Variants in KCNK9 observed in about 807,000 individuals in gnomAD.
KCNK9 encodes potassium channel subfamily K member 9.
Under a neutral mutation model 10.8 loss-of-function variants are expected in KCNK9, and 1 was observed. That is an observed-to-expected ratio of 0.09 (90% CI 0.03 to 0.44). The LOEUF (loss-of-function observed/expected upper bound fraction) is 0.44. Ranked by LOEUF, KCNK9 falls within the 20% of genes least tolerant of loss-of-function variation. The pLI is 0.97. For synonymous variants in KCNK9, 231 were observed against 222.7 expected, an observed-to-expected ratio of 1.04 and a Z score of -0.33; for missense variants, 303 against 515.0, an observed-to-expected ratio of 0.59 and a Z score of 3.98.
At chr8:139,655,538 C>T (rs1330150776) in intron 1 of KCNK9, among the ~76,000 whole-genome samples, 1 of 152,122 alleles carries the variant, frequency 6.6e-6, no homozygotes, top group Non-Finnish European at 1.5e-5. Flanking sequence ...GCAGCACCAT[C>T]CCAGGAGGGA....
At chr8:139,669,345 A>C (rs893758171) in intron 1 of KCNK9, among the ~76,000 whole-genome samples, 1 of 152,234 alleles carries the variant, frequency 6.6e-6, no homozygotes, top group Non-Finnish European at 1.5e-5. Context: ...GCTGTTTGAT[A>C]GCAATTTCCA....
chr8:139,663,648 CGTGTGTGT>C lies in KCNK9; in HGVS notation c.283+39054_283+39061del, dbSNP rs34660685. 7.3e-5 allele frequency among the ~76,000 whole-genome samples: 10 copies of C among 137,506 alleles called. No individual in the cohort carries two copies. The East Asian group carries it at 8.7e-4, about 12-fold the overall frequency. The allele number at this position is 137,506 out of a possible 152,430, so 90.2% of individuals were successfully genotyped here. On this transcript the variant is annotated intron_variant, in intron 1 of 1. Transcript: ENST00000520439. ...CCCCAGGAACAGACGCGCGTGCGCA[CGTGTGTGT>C]GTGTGTGTGTGTGTGTGTGTGTGTG...
At chr8:139,689,936 C>T (rs115456447) in intron 1 of KCNK9, among the ~76,000 whole-genome samples, 2,259 of 152,264 alleles carry the variant, frequency 0.015, 58 homozygotes, top group African/African-American at 0.05. Flanking sequence ...CCACCACGCC[C>T]GGCCACCTTT....
intron 1 of KCNK9, among the ~76,000 whole-genome samples, chr8:139,687,413 T>TAC (rs1346928744): frequency 7.1e-6 from 1 of 140,996 alleles, no homozygotes; most frequent in African/African-American, 2.7e-5. Flanking sequence ...TATATATTCA[T>TAC]ATATGTGTAT....
rs536316875 is a variant in KCNK9, at chr8:139,634,578, G to A, written c.284-15479C>T. On this transcript the variant is annotated intron_variant, in intron 1 of 1. Transcript: ENST00000520439. ...TGGATTCTCCATGAGGGCAGGGCCA[G>A]CTCTGCCCTGCTGGGATGGACTGTC... Among the ~76,000 whole-genome samples the A allele has an allele frequency of 2.0e-5, 3 of 152,308 alleles. No individual in the cohort carries two copies. In the East Asian group the frequency reaches 5.8e-4, roughly 30 times the overall value.
At chr8:139,669,959 C>T (rs1173720336) in intron 1 of KCNK9, among the ~76,000 whole-genome samples, 1 of 152,182 alleles carries the variant, frequency 6.6e-6, no homozygotes, top group Non-Finnish European at 1.5e-5. Flanking sequence ...TGTACATCTC[C>T]ATCAGTGCTC....
At chr8:139,649,648 G>A (rs1815797366) in intron 1 of KCNK9, among the ~76,000 whole-genome samples, 1 of 152,106 alleles carries the variant, frequency 6.6e-6, no homozygotes, top group Admixed American at 6.5e-5. Flanking sequence ...GCCTTCAATG[G>A]CTCCCCAGTA....
chr8:139,697,085 G>A (rs1817078275), intron 1 of KCNK9, among the ~76,000 whole-genome samples: 1 of 151,970 alleles, frequency 6.6e-6, no homozygotes, highest in Non-Finnish European at 1.5e-5. Flanking sequence ...GTGGACGGGT[G>A]GGTGAACAGA....
At chr8:139,601,569 TC>T (rs1563706629) in exon 3 of KCNK9, 2 of 152,186 alleles carry the variant, frequency 1.3e-5, no homozygotes, top group Non-Finnish European at 2.9e-5. Flanking sequence ...GAGAGAGCTG[TC>T]CCCGTCCTCT....
At chr8:139,654,563 G>C (rs1815965523) in intron 1 of KCNK9, among the ~76,000 whole-genome samples, 1 of 152,246 alleles carries the variant, frequency 6.6e-6, no homozygotes, top group Non-Finnish European at 1.5e-5. Flanking sequence ...TCTTCCCTCA[G>C]GTAGGCGACA....
At chr8:139,697,738 G>T (rs1817096986) in intron 1 of KCNK9, among the ~76,000 whole-genome samples, 1 of 152,130 alleles carries the variant, frequency 6.6e-6, no homozygotes, top group Non-Finnish European at 1.5e-5. Context: ...ACCATGCTGG[G>T]TGTCTCCGCA....
chr8:139,677,221 G>T (rs1177400329), intron 1 of KCNK9, among the ~76,000 whole-genome samples: 1 of 152,090 alleles, frequency 6.6e-6, no homozygotes, highest in Non-Finnish European at 1.5e-5. Flanking sequence ...GGCTGCACCT[G>T]TGCCTGTGCT....
chr8:139,699,046 CTG>C (rs1417028051), intron 1 of KCNK9, among the ~76,000 whole-genome samples: 1 of 152,176 alleles, frequency 6.6e-6, no homozygotes, highest in Non-Finnish European at 1.5e-5. Flanking sequence ...CTCCTGCAAA[CTG>C]TAGCAAGAAA....
chr8:139,623,072 T>C (rs1360161257), intron 1 of KCNK9, among the ~76,000 whole-genome samples: 1 of 152,236 alleles, frequency 6.6e-6, no homozygotes, highest in African/African-American at 2.4e-5. Flanking sequence ...ATGTATATGC[T>C]GCAGACTGCA....
intron 1 of KCNK9, among the ~76,000 whole-genome samples, chr8:139,700,084 G>GA (rs200038560): frequency 8.0e-4 from 121 of 150,560 alleles, no homozygotes; most frequent in African/African-American, 1.5e-3. Context: ...ATTAAAAAAA[G>GA]AAAAAAAAAC....
intron 1 of KCNK9, among the ~76,000 whole-genome samples, chr8:139,673,192 G>T (rs62520198): frequency 6.6e-6 from 1 of 152,098 alleles, no homozygotes; most frequent in Non-Finnish European, 1.5e-5. Flanking sequence ...GGTGGCATAG[G>T]CCTGGGGGGA....
At chr8:139,627,612 C>A (rs1815017432) in intron 1 of KCNK9, among the ~76,000 whole-genome samples, 1 of 152,224 alleles carries the variant, frequency 6.6e-6, no homozygotes, top group African/African-American at 2.4e-5. Flanking sequence ...CGGAGTGAGC[C>A]CAGCTCACAG....
chr8:139,663,313 C>T (rs747006479), intron 1 of KCNK9, among the ~76,000 whole-genome samples: 8 of 152,042 alleles, frequency 5.3e-5, no homozygotes, highest in South Asian at 2.1e-4. Flanking sequence ...CAGGTCAGCG[C>T]GAGGCCAACA....
downstream of KCNK9, among the ~76,000 whole-genome samples, chr8:139,610,182 C>T (rs552566540): frequency 3.9e-4 from 59 of 152,300 alleles, no homozygotes; most frequent in Middle Eastern, 3.4e-3. Flanking sequence ...GAGCTGCTAC[C>T]TCTGGGTCAC....
Sources: allele counts gnomAD v4.1 joint callset (sites outside exome capture counted in the v4.1 genomes callset), GRCh38; gene constraint gnomAD v4.1.1; transcripts MANE v1.5; gene names NCBI Gene and HGNC (gene_info 2026-07-23, HGNC 2026-07-21).